The following ME3 variants were observed in gnomAD, a reference collection of about 807,000 sequenced individuals.
The protein encoded by ME3 is malic enzyme 3, also known as NADP-dependent malic enzyme, mitochondrial.
In ME3, 48 loss-of-function variants were observed where a neutral mutation model predicts 68.9. The ratio of observed to expected loss-of-function variants is 0.70; its 90% CI spans 0.55 to 0.89. The LOEUF (loss-of-function observed/expected upper bound fraction) is 0.89, where lower values mean the gene tolerates loss of function less well. ME3 is among the 40% of genes least tolerant of loss of function. ME3 has a pLI of 0.00. For missense variants in ME3, 675 were observed against 797.4 expected (o/e 0.85, Z 1.85); for synonymous variants, 320 against 318.8 (o/e 1.00, Z -0.04).
chr11:86,467,422 A>G (rs1013090528), intron 7 of ME3, among the ~76,000 whole-genome samples: 1 of 152,030 alleles, frequency 6.6e-6, no homozygotes, highest in East Asian at 1.9e-4. Flanking sequence ...AAAACCTCCC[A>G]TGCACAAATA....
intron 2 of ME3, among the ~76,000 whole-genome samples, chr11:86,595,622 G>C (rs1264565219): frequency 2.0e-5 from 3 of 152,214 alleles, no homozygotes; most frequent in African/African-American, 4.8e-5. Flanking sequence ...ACCAGGCACT[G>C]TGCTGGCTCA....
chr11:86,565,926 A>C (rs938129308), intron 2 of ME3, among the ~76,000 whole-genome samples: 1 of 152,242 alleles, frequency 6.6e-6, no homozygotes, highest in African/African-American at 2.4e-5. Context: ...AACTGTTCTC[A>C]TAAGAGACAC....
chr11:86,476,800 G>A (rs1322661043), intron 7 of ME3, among the ~76,000 whole-genome samples: 2 of 152,128 alleles, frequency 1.3e-5, no homozygotes, highest in Non-Finnish European at 2.9e-5. Context: ...AAATGGAAAT[G>A]GATCACACCT....
At chr11:86,624,129 G>A (rs189409101) in intron 2 of ME3, among the ~76,000 whole-genome samples, 3 of 152,292 alleles carry the variant, frequency 2.0e-5, no homozygotes, top group African/African-American at 7.2e-5. Context: ...GGGCAGCCAT[G>A]TTCCCCACAA....
At chr11:86,583,350 A>G (rs1442676561) in intron 2 of ME3, among the ~76,000 whole-genome samples, 1 of 152,202 alleles carries the variant, frequency 6.6e-6, no homozygotes. Flanking sequence ...AAAAACTGCA[A>G]TTACTTTTGC....
intron 6 of ME3, among the ~76,000 whole-genome samples, chr11:86,488,888 T>C (rs992613076): frequency 7.2e-5 from 11 of 152,130 alleles, no homozygotes; most frequent in South Asian, 2.1e-4. Context: ...GGCACAGTGA[T>C]GAGTGAAGAA....
chr11:86,450,125 A>G (rs1332674003), intron 9 of ME3, 123 bp from the exon 10 acceptor site: 4 of 965,306 alleles, frequency 4.1e-6, no homozygotes, highest in Admixed American at 2.2e-5. Context: ...AGGAGGCCCA[A>G]TTAAGTCCTT....
intron 2 of ME3, among the ~76,000 whole-genome samples, chr11:86,657,498 AT>A (rs1376067771): frequency 6.6e-6 from 1 of 152,102 alleles, no homozygotes; most frequent in African/African-American, 2.4e-5. Context: ...GAGGGATAGC[AT>A]TACCAGAAAT....
chr11:86,475,643 C>T (rs1951016862), intron 7 of ME3, among the ~76,000 whole-genome samples: 1 of 151,990 alleles, frequency 6.6e-6, no homozygotes, highest in African/African-American at 2.4e-5. Flanking sequence ...TTTCCCACAG[C>T]TTTTCTCATT....
At chr11:86,653,504 A>G (rs1258386524) in intron 2 of ME3, among the ~76,000 whole-genome samples, 2 of 152,264 alleles carry the variant, frequency 1.3e-5, no homozygotes, top group African/African-American at 2.4e-5. Context: ...TACTGGGTAC[A>G]TAACAAAATG....
At chr11:86,468,348 ATCCATCCATCCATTT>A (rs910661132) in intron 7 of ME3, among the ~76,000 whole-genome samples, 1 of 151,948 alleles carries the variant, frequency 6.6e-6, no homozygotes, top group African/African-American at 2.4e-5. Context: ...TCATCCATCC[ATCCATCCATCCATTT>A]TCCATCCATC....
At chr11:86,570,197 G>A (rs552671071) in intron 2 of ME3, among the ~76,000 whole-genome samples, 18 of 152,284 alleles carry the variant, frequency 1.2e-4, no homozygotes, top group Admixed American at 5.2e-4. Flanking sequence ...ACATCATTAC[G>A]TCATGCTCTG....
intron 4 of ME3, among the ~76,000 whole-genome samples, chr11:86,537,451 G>A (rs1955754802): frequency 6.6e-6 from 1 of 152,134 alleles, no homozygotes; most frequent in African/African-American, 2.4e-5. Context: ...AGAGGCAGGA[G>A]GCCTGAGTTC....
chr11:86,625,899 T>C (rs1943633624), intron 2 of ME3, among the ~76,000 whole-genome samples: 1 of 152,150 alleles, frequency 6.6e-6, no homozygotes, highest in Non-Finnish European at 1.5e-5. Context: ...ACCTGTAAAA[T>C]GGGGATAATA....
chr11:86,652,406 C>T (rs1007954479), intron 2 of ME3, among the ~76,000 whole-genome samples: 1 of 152,222 alleles, frequency 6.6e-6, no homozygotes, highest in Non-Finnish European at 1.5e-5. Context: ...TCTGCAGAAA[C>T]TCTACAAGCC....
intron 2 of ME3, among the ~76,000 whole-genome samples, chr11:86,637,851 GCA>G (rs1944436177): frequency 6.6e-6 from 1 of 152,020 alleles, no homozygotes; most frequent in Non-Finnish European, 1.5e-5. Flanking sequence ...CCTGAACTCT[GCA>G]CACACAGAAA....
intron 6 of ME3, among the ~76,000 whole-genome samples, chr11:86,495,995 T>C (rs1385324310): frequency 6.6e-6 from 1 of 152,214 alleles, no homozygotes; most frequent in East Asian, 1.9e-4. Flanking sequence ...ACCCCCAGGA[T>C]TTCCCAGCTG....
At chr11:86,605,341 C>A (rs1279078464) in intron 2 of ME3, among the ~76,000 whole-genome samples, 4 of 152,194 alleles carry the variant, frequency 2.6e-5, no homozygotes, top group African/African-American at 9.6e-5. Flanking sequence ...ATGCTGTTCA[C>A]AATTAGAAGG....
At chr11:86,475,874 T>TATATAGAGAGAGAGAGAGAGAGAGAG in intron 7 of ME3, among the ~76,000 whole-genome samples, 2 of 91,474 alleles carry the variant, frequency 2.2e-5, no homozygotes, top group African/African-American at 5.0e-5. Flanking sequence ...TATATATATA[T>TATATAGAGAGAGAGAGAGAGAGAGAG]AGAGAGAGAG....
Sources: gnomAD v4.1 joint callset for allele counts (sites outside exome capture counted in the v4.1 genomes callset) on GRCh38, gnomAD v4.1.1 for gene constraint, MANE v1.5 for transcripts, NCBI Gene and HGNC (gene_info 2026-07-23, HGNC 2026-07-21) for gene names.